Variants in ELAPOR2 observed in about 807,000 individuals in gnomAD.
ELAPOR2 encodes the protein endosome-lysosome associated apoptosis and autophagy regulator family member 2, also known as endosome/lysosome-associated apoptosis and autophagy regulator family member 2.
A neutral mutation model predicts 120.7 loss-of-function variants in ELAPOR2; 89 were observed. The ratio of observed to expected loss-of-function variants is 0.74; its 90% confidence interval spans 0.62 to 0.88. The LOEUF (loss-of-function observed/expected upper bound fraction) is 0.88, where lower values mean the gene tolerates loss of function less well. Ranked by LOEUF, ELAPOR2 falls within the 40% of genes least tolerant of loss-of-function variation. The pLI is 0.00. For synonymous variants in ELAPOR2, 444 were observed against 444.9 expected, an observed-to-expected ratio of 1.00 and a Z score of 0.03; for missense variants, 1,134 against 1,251.6, an observed-to-expected ratio of 0.91 and a Z score of 1.42.
chr7:86,973,499 C>T (rs1792174085), intron 1 of ELAPOR2, among the ~76,000 whole-genome samples: 1 of 152,096 alleles, frequency 6.6e-6, no homozygotes, highest in African/African-American at 2.4e-5. Context: ...CTTTGCAGGA[C>T]CAAGGCCAGG....
intron 1 of ELAPOR2, among the ~76,000 whole-genome samples, chr7:86,984,158 A>G (rs1255178220): frequency 6.6e-6 from 1 of 152,180 alleles, no homozygotes. Flanking sequence ...ATATGCACCT[A>G]ATACAGGAGC....
chr7:86,913,005 G>C lies in ELAPOR2; in HGVS notation c.1931C>G (p.Ser644Cys), dbSNP rs747916801. ...CTCTTTGCCATAGACCTGATGTATG[G>C]ACAGGTAGGTGTCAGGTGGACATTC... ...CKECPPDTYL[S>C]IHQVYGKEAC... Residue 644 changes from serine (S) to cysteine (C), a missense_variant, in exon 14 of 22, where the codon TCC (serine) becomes TGC (cysteine). This residue lies in a region of ELAPOR2 where 831 missense variants were observed against 867.6 expected (regional missense o/e 0.96). Transcript: ENST00000450689. 5 of 1,614,008 alleles carry C rather than the reference G, an allele frequency of 3.1e-6. No individual in the cohort carries two copies. The highest frequency in any genetic ancestry group is 3.4e-6 in the Non-Finnish European group (4 of 1,179,934).
At chr7:86,992,971 A>G (rs964267890) in intron 1 of ELAPOR2, among the ~76,000 whole-genome samples, 2 of 152,104 alleles carry the variant, frequency 1.3e-5, no homozygotes, top group African/African-American at 4.8e-5. Flanking sequence ...GGCGTGGTGG[A>G]TCACACCTAT....
At chr7:87,006,240 A>G (rs1276295556) in intron 1 of ELAPOR2, among the ~76,000 whole-genome samples, 2 of 152,152 alleles carry the variant, frequency 1.3e-5, no homozygotes, top group African/African-American at 4.8e-5. Context: ...ACACACATTA[A>G]AAAGTCATTT....
chr7:86,922,528 CAT>C (rs1311923385), intron 10 of ELAPOR2, among the ~76,000 whole-genome samples: 1 of 151,814 alleles, frequency 6.6e-6, no homozygotes, highest in East Asian at 1.9e-4. Flanking sequence ...TCAACGCATA[CAT>C]GTTTTTACAT....
At chr7:87,056,003 T>C (rs898843168) in intron 1 of ELAPOR2, among the ~76,000 whole-genome samples, 1 of 152,248 alleles carries the variant, frequency 6.6e-6, no homozygotes, top group Non-Finnish European at 1.5e-5. Context: ...CTGTTCTTTT[T>C]ACTCTCATGT....
rs1475276563 is a variant in ELAPOR2, at chr7:87,049,298, T to TC, written c.189+10026_189+10027insG. The stretch of plus-strand genomic sequence containing the variant: ...TTTTATTTTATTTATTTATTTTTTT[T>TC]TGAGACCGAGCCTCGCTCTGTCGCC... On this transcript the variant is annotated intron_variant, in intron 1 of 21. Coordinates refer to ENST00000450689, the MANE Select transcript of ELAPOR2 (RefSeq NM_001142749.3). Among the ~76,000 whole-genome samples, 240 of 151,836 alleles carry TC rather than the reference T, an allele frequency of 1.6e-3. 2 individuals are homozygous for TC. Among genetic ancestry groups the TC allele is most frequent in the African/African-American group, 5.5e-3 (226 of 41,412 alleles).
rs979568949 is a variant in ELAPOR2, at chr7:86,946,640, A to G, written c.506+1087T>C. ...AACCTCAGGTGATCCGCCTGCCTCGACCTCCCAAAGTGCTGGGATTACAGG... is the reference window on the plus strand; with the variant it reads ...AACCTCAGGTGATCCGCCTGCCTCGGCCTCCCAAAGTGCTGGGATTACAGG... On this transcript the variant is annotated intron_variant, in intron 3 of 21. Coordinates refer to ENST00000450689, the MANE Select transcript of ELAPOR2 (RefSeq NM_001142749.3). 1.2e-4 allele frequency among the ~76,000 whole-genome samples: 18 copies of G among 151,646 alleles called. No individual in the cohort carries two copies. In the South Asian group the frequency reaches 1.5e-3, roughly 12 times the overall value.
At chr7:86,975,075 G>A (rs747651888) in intron 1 of ELAPOR2, among the ~76,000 whole-genome samples, 22 of 152,270 alleles carry the variant, frequency 1.4e-4, no homozygotes, top group Non-Finnish European at 2.5e-4. Context: ...ATAGTCAAAC[G>A]AGAGAAAAGA....
intron 1 of ELAPOR2, among the ~76,000 whole-genome samples, chr7:86,995,729 G>A (rs1270005374): frequency 3.3e-5 from 5 of 152,222 alleles, no homozygotes; most frequent in Middle Eastern, 3.4e-3. Flanking sequence ...TATAACAAGC[G>A]AATAAACTTG....
intron 8 of ELAPOR2, among the ~76,000 whole-genome samples, chr7:86,932,696 A>C (rs1206613405): frequency 6.6e-6 from 1 of 151,950 alleles, no homozygotes; most frequent in Non-Finnish European, 1.5e-5. Flanking sequence ...GCTTAATTGA[A>C]AACTATTCTT....
intron 1 of ELAPOR2, chr7:86,965,709 G>C: frequency 2.0e-6 from 1 of 509,520 alleles, no homozygotes; most frequent in Non-Finnish European, 2.5e-6. Context: ...TTACACATAA[G>C]TGATATTTAA....
At chr7:86,905,682 C>T (rs527429807) in intron 18 of ELAPOR2, among the ~76,000 whole-genome samples, 1 of 151,986 alleles carries the variant, frequency 6.6e-6, no homozygotes, top group African/African-American at 2.4e-5. Context: ...ATCTGGTTCA[C>T]AAATTTCAGT....
At chr7:86,903,189 G>T (rs900910284) in intron 18 of ELAPOR2, among the ~76,000 whole-genome samples, 1 of 152,042 alleles carries the variant, frequency 6.6e-6, no homozygotes, top group Non-Finnish European at 1.5e-5. Flanking sequence ...TTTTAAGAAT[G>T]GTTTGTGATT....
rs368229986 is a variant in ELAPOR2 at position 86,938,192 on chromosome 7, T to C, written c.1023A>G (p.Thr341=). The C allele has an allele frequency of 1.0e-4, 162 of 1,551,136 alleles. No homozygotes were observed. The highest frequency in any genetic ancestry group is 5.0e-4 in the Middle Eastern group (3 of 6,000). ...QFSEEGSSEC[T]ERPPCTTKDY... is the part of the protein sequence containing the mutation. ...CTTTTGTGGTACAGGGAGGGCGCTC[T>C]GTACACTCACTGGATCCTTCCTCTG... Residue 341 remains threonine (T), a synonymous_variant, in exon 8 of 22, where the codon ACA becomes ACG. Transcript: ENST00000450689.
At chr7:87,051,286 T>C (rs1474206688) in intron 1 of ELAPOR2, among the ~76,000 whole-genome samples, 1 of 152,194 alleles carries the variant, frequency 6.6e-6, no homozygotes, top group Non-Finnish European at 1.5e-5. Context: ...TTTGGGGTGC[T>C]TGAAGCCAAG....
At chr7:86,971,624 A>G (rs1174791240) in intron 1 of ELAPOR2, among the ~76,000 whole-genome samples, 1 of 152,202 alleles carries the variant, frequency 6.6e-6, no homozygotes, top group Admixed American at 6.5e-5. Context: ...ACCAACCTGC[A>G]AAAGAATGGA....
chr7:87,038,298 G>C (rs1385173819), intron 1 of ELAPOR2, among the ~76,000 whole-genome samples: 1 of 152,142 alleles, frequency 6.6e-6, no homozygotes, highest in African/African-American at 2.4e-5. Flanking sequence ...GTTAAGGGAG[G>C]TAATTCCATA....
intron 18 of ELAPOR2, among the ~76,000 whole-genome samples, chr7:86,906,399 C>CGT (rs1789018034): frequency 1.3e-5 from 2 of 152,042 alleles, no homozygotes; most frequent in African/African-American, 4.8e-5. Context: ...ATAATTAAAT[C>CGT]ATAGGTCTAT....
Sources: allele counts gnomAD v4.1 joint callset (sites outside exome capture counted in the v4.1 genomes callset), GRCh38; gene constraint gnomAD v4.1.1; regional missense constraint gnomAD v4.1.1; transcripts MANE v1.5; gene names NCBI Gene and HGNC (gene_info 2026-07-23, HGNC 2026-07-21).